Variants in TENM3 observed in about 807,000 individuals in gnomAD.
TENM3 encodes the protein teneurin-3.
In TENM3, 63 loss-of-function variants were observed where a neutral mutation model predicts 255.1. The ratio of observed to expected loss-of-function variants is 0.25; its 90% CI spans 0.20 to 0.30. The LOEUF is 0.30. TENM3 is among the 10% of genes least tolerant of loss of function. The probability of loss-of-function intolerance (pLI) is 1.00; values close to 1 mark genes in which losing one functional copy is unlikely to be tolerated. For missense variants in TENM3, 2,929 were observed against 3,461.1 expected (o/e 0.85, Z 3.86); for synonymous variants, 1,306 against 1,322.3 (o/e 0.99, Z 0.27).
the TENM3 span, among the ~76,000 whole-genome samples, chr4:181,547,979 G>A: frequency 1.3e-5 from 2 of 151,316 alleles, no homozygotes; most frequent in East Asian, 3.9e-4. Context: ...CCCACAACAG[G>A]CCCTGGTGTG....
At chr4:181,855,864 TAGG>T in the TENM3 span, among the ~76,000 whole-genome samples, 1 of 132,946 alleles carries the variant, frequency 7.5e-6, no homozygotes, top group African/African-American at 2.8e-5. Flanking sequence ...GGAGGGAGGA[TAGG>T]AGGAAGCAAG....
the TENM3 span, among the ~76,000 whole-genome samples, chr4:181,457,973 C>T: frequency 1.3e-5 from 2 of 151,764 alleles, no homozygotes; most frequent in East Asian, 3.9e-4. Context: ...ATTAAGTATA[C>T]CTATGCATTG....
intron 3 of TENM3, among the ~76,000 whole-genome samples, chr4:182,474,503 T>C (rs1373978382): frequency 6.6e-6 from 1 of 152,172 alleles, no homozygotes; most frequent in Non-Finnish European, 1.5e-5. Context: ...CTAACAGACA[T>C]TGTGGCAACT....
chr4:181,651,600 A>C, the TENM3 span, among the ~76,000 whole-genome samples: 2 of 152,268 alleles, frequency 1.3e-5, no homozygotes, highest in African/African-American at 4.8e-5. Context: ...AAAAAAAAAA[A>C]AAATTCCAAC....
chr4:181,873,957 G>A, the TENM3 span, among the ~76,000 whole-genome samples: 1 of 152,010 alleles, frequency 6.6e-6, no homozygotes, highest in Admixed American at 6.6e-5. Flanking sequence ...GCTAATTTTT[G>A]TATTTTTAAT....
the TENM3 span, among the ~76,000 whole-genome samples, chr4:181,850,673 C>G: frequency 6.6e-6 from 1 of 151,976 alleles, no homozygotes; most frequent in Non-Finnish European, 1.5e-5. Flanking sequence ...AGGTGAATTA[C>G]TGCTGCTTTG....
the TENM3 span, among the ~76,000 whole-genome samples, chr4:182,049,961 G>A: frequency 6.6e-6 from 1 of 151,312 alleles, no homozygotes; most frequent in African/African-American, 2.4e-5. Flanking sequence ...AAAGGCAAGG[G>A]CACGTTTAAA....
At chr4:181,647,808 G>A in the TENM3 span, among the ~76,000 whole-genome samples, 1 of 152,240 alleles carries the variant, frequency 6.6e-6, no homozygotes, top group East Asian at 1.9e-4. Context: ...ACACGAAGGC[G>A]CTCAGGGAAA....
the TENM3 span, among the ~76,000 whole-genome samples, chr4:182,020,993 A>G: frequency 6.6e-6 from 1 of 151,906 alleles, no homozygotes; most frequent in Non-Finnish European, 1.5e-5. Context: ...GGTTTGTTAC[A>G]TGGGTATATT....
At chr4:182,444,108 G>A (rs560978619) in intron 3 of TENM3, among the ~76,000 whole-genome samples, 49 of 152,182 alleles carry the variant, frequency 3.2e-4, no homozygotes, top group Non-Finnish European at 5.9e-4. Flanking sequence ...GTAGACATCT[G>A]TGAAAAATTA....
chr4:181,751,365 T>C, the TENM3 span, among the ~76,000 whole-genome samples: 8 of 151,134 alleles, frequency 5.3e-5, no homozygotes, highest in Admixed American at 2.6e-4. Context: ...GATGTTAAAG[T>C]TAGAATCGTT....
intron 13 of TENM3, among the ~76,000 whole-genome samples, chr4:182,714,666 A>G (rs761655796): frequency 1.3e-5 from 2 of 152,228 alleles, no homozygotes; most frequent in South Asian, 2.1e-4. Context: ...AACAGAGAAC[A>G]GTCCCCTGGA....
At chr4:181,892,358 C>T in the TENM3 span, among the ~76,000 whole-genome samples, 35 of 152,246 alleles carry the variant, frequency 2.3e-4, 1 homozygote, top group East Asian at 5.8e-3. Context: ...ACCATCATGA[C>T]TTTACTTCTC....
the TENM3 span, among the ~76,000 whole-genome samples, chr4:181,730,467 G>C: frequency 6.6e-6 from 1 of 152,322 alleles, no homozygotes; most frequent in Non-Finnish European, 1.5e-5. Flanking sequence ...CCTCCAACCT[G>C]TAGGTAACTT....
chr4:182,531,300 A>T (rs1739758499), intron 3 of TENM3, among the ~76,000 whole-genome samples: 1 of 152,230 alleles, frequency 6.6e-6, no homozygotes, highest in South Asian at 2.1e-4. Context: ...AAATAAAAAG[A>T]TAGTAATGGG....
intron 1 of TENM3, among the ~76,000 whole-genome samples, chr4:182,194,999 A>G (rs1236285141): frequency 1.3e-5 from 2 of 150,706 alleles, no homozygotes; most frequent in African/African-American, 2.4e-5. Flanking sequence ...AGGCTTATGA[A>G]ATAAGTGACC....
chr4:182,724,422 C>G (rs1760003533), intron 13 of TENM3, among the ~76,000 whole-genome samples: 1 of 152,180 alleles, frequency 6.6e-6, no homozygotes, highest in Admixed American at 6.5e-5. Context: ...GATTCATAAC[C>G]ATCCGTCACT....
At chr4:181,791,058 C>T in the TENM3 span, among the ~76,000 whole-genome samples, 4 of 152,262 alleles carry the variant, frequency 2.6e-5, no homozygotes, top group South Asian at 6.2e-4. Flanking sequence ...ACTGGAAACC[C>T]TCAGAAAGGA....
chr4:181,608,925 G>A, the TENM3 span, among the ~76,000 whole-genome samples: 1 of 152,144 alleles, frequency 6.6e-6, no homozygotes, highest in African/African-American at 2.4e-5. Flanking sequence ...CATCAACAAA[G>A]AGAGCCACTG....
Sources: allele counts gnomAD v4.1 joint callset (sites outside exome capture counted in the v4.1 genomes callset), GRCh38; gene constraint gnomAD v4.1.1; transcripts MANE v1.5; gene names NCBI Gene and HGNC (gene_info 2026-07-23, HGNC 2026-07-21).